The following SORCS2 variants were observed in gnomAD, a reference collection of about 807,000 sequenced individuals.
SORCS2 encodes VPS10 domain-containing receptor SorCS2.
SORCS2 carries 100 observed loss-of-function variants against 141.6 expected under a neutral mutation model. That is an observed-to-expected ratio of 0.71 (90% CI 0.60 to 0.83). SORCS2 has a LOEUF of 0.83. Ranked by LOEUF, SORCS2 falls within the 40% of genes least tolerant of loss-of-function variation. The pLI, the probability that SORCS2 is intolerant of heterozygous loss-of-function variation, is 0.00. For missense variants in SORCS2, 1,646 were observed against 1,560.2 expected, an observed-to-expected ratio of 1.05 and a Z score of -0.93; for synonymous variants, 789 against 676.9, an observed-to-expected ratio of 1.17 and a Z score of -2.57.
intron 2 of SORCS2, among the ~76,000 whole-genome samples, chr4:7,526,734 G>T (rs1263358101): frequency 6.6e-6 from 1 of 152,200 alleles, no homozygotes; most frequent in Non-Finnish European, 1.5e-5. Context: ...TCAGCTGGGG[G>T]CGCTGACGGT....
chr4:7,203,629 T>C (rs985747861), intron 1 of SORCS2, among the ~76,000 whole-genome samples: 6 of 152,266 alleles, frequency 3.9e-5, no homozygotes, highest in Non-Finnish European at 8.8e-5. Flanking sequence ...AAATTCTTTT[T>C]TCTTTATTAC....
At chr4:7,486,099 C>T (rs958017929) in intron 2 of SORCS2, among the ~76,000 whole-genome samples, 1 of 152,164 alleles carries the variant, frequency 6.6e-6, no homozygotes, top group African/African-American at 2.4e-5. Context: ...CTGAAGCGTC[C>T]CTTTGTCTCT....
At chr4:7,694,561 C>T (rs1289166492) in intron 11 of SORCS2, among the ~76,000 whole-genome samples, 2 of 152,214 alleles carry the variant, frequency 1.3e-5, no homozygotes, top group Non-Finnish European at 2.9e-5. Flanking sequence ...TGTGCTGACG[C>T]GGCAACACTC....
At chr4:7,267,648 T>C (rs541714241) in intron 1 of SORCS2, among the ~76,000 whole-genome samples, 26 of 152,232 alleles carry the variant, frequency 1.7e-4, no homozygotes, top group African/African-American at 5.8e-4. Flanking sequence ...CTGGCTAACA[T>C]GGTAAAACCC....
intron 14 of SORCS2, among the ~76,000 whole-genome samples, chr4:7,711,364 G>C (rs1158649934): frequency 6.6e-6 from 1 of 152,204 alleles, no homozygotes; most frequent in Non-Finnish European, 1.5e-5. Context: ...CCCTAGAATG[G>C]GGTTGTCCTT....
Position 7,427,217 on chromosome 4 carries a change from GA to G in SORCS2, c.548+30864del, listed in dbSNP as rs562193382. ...GGGTGACCTAGGGGGCCTCTCGGTAGAAGAGCAAAGTCTTGTGTGGCTGGAC... is the reference window on the plus strand; with the variant it reads ...GGGTGACCTAGGGGGCCTCTCGGTAGAGAGCAAAGTCTTGTGTGGCTGGAC... On this transcript the variant is annotated intron_variant, in intron 2 of 26. Transcript: ENST00000507866. Among the ~76,000 whole-genome samples, 321 of 152,276 alleles carry G rather than the reference GA, an allele frequency of 2.1e-3. 1 individual carries two copies. The highest frequency in any genetic ancestry group is 7.5e-3 in the African/African-American group (310 of 41,556).
At chr4:7,360,391 C>G (rs1407018082) in intron 1 of SORCS2, among the ~76,000 whole-genome samples, 2 of 151,876 alleles carry the variant, frequency 1.3e-5, no homozygotes, top group East Asian at 1.9e-4. Context: ...CTGGGAGGTC[C>G]TTTGCCACAC....
intron 3 of SORCS2, among the ~76,000 whole-genome samples, chr4:7,593,444 G>A (rs567287200): frequency 1.1e-4 from 17 of 152,328 alleles, no homozygotes; most frequent in Middle Eastern, 3.4e-3. Flanking sequence ...GGGCAGGACC[G>A]CCTCCTGGCA....
rs796596203 is a variant in SORCS2, at chr4:7,653,987, C to T, written c.814-147C>T. The stretch of plus-strand genomic sequence containing the variant: ...AGGCGGTGGGGTTTGGTCTGCATCC[C>T]AGCATGAGCACAGCGCCTCCGCGTG... On this transcript the variant is annotated intron_variant, in intron 4 of 26. Transcript: ENST00000507866. 3.2e-5 allele frequency: 24 copies of T among 749,722 alleles called. No homozygotes were observed. In the African/African-American group the frequency reaches 3.7e-4, roughly 11 times the overall value. 46.4% of individuals were successfully genotyped at this position (749,722 alleles called of 1,614,324 possible).
chr4:7,361,456 G>A lies in SORCS2; in HGVS notation c.481-34832G>A, dbSNP rs144325852. ...TCCTCCTTGGGAGCACGACTTGGCA[G>A]CCCTGGCCTCAGTGCAGCCGGGAGA... On this transcript the variant is annotated intron_variant, in intron 1 of 26. Coordinates refer to ENST00000507866, the MANE Select transcript of SORCS2 (RefSeq NM_020777.3). Among the ~76,000 whole-genome samples the A allele has an allele frequency of 3.0e-4, 46 of 152,308 alleles. No homozygotes were observed. In the East Asian group the frequency reaches 8.1e-3, roughly 27 times the overall value.
chr4:7,621,340 ATGTG>A (rs1387684468), intron 3 of SORCS2, among the ~76,000 whole-genome samples: 1 of 151,196 alleles, frequency 6.6e-6, no homozygotes, highest in Non-Finnish European at 1.5e-5. Context: ...GTGAGTGTTT[ATGTG>A]TGTGTCTATG....
chr4:7,548,151 C>G (rs558717606), intron 3 of SORCS2, among the ~76,000 whole-genome samples: 3 of 152,164 alleles, frequency 2.0e-5, no homozygotes, highest in African/African-American at 7.2e-5. Context: ...AGAGGAAGGC[C>G]TTTGAGGGCT....
intron 1 of SORCS2, among the ~76,000 whole-genome samples, chr4:7,336,456 G>A (rs2108978478): frequency 6.7e-6 from 1 of 150,228 alleles, no homozygotes; most frequent in African/African-American, 2.5e-5. Flanking sequence ...CCAAGGATGG[G>A]GTTTCTAGGG....
At chr4:7,386,177 G>A (rs1319269215) in intron 1 of SORCS2, among the ~76,000 whole-genome samples, 17 of 133,720 alleles carry the variant, frequency 1.3e-4, no homozygotes, top group Admixed American at 5.1e-4. Context: ...ACATGCGCAC[G>A]CACACACATG....
intron 1 of SORCS2, among the ~76,000 whole-genome samples, chr4:7,245,111 T>C (rs1219387207): frequency 6.6e-6 from 1 of 151,932 alleles, no homozygotes; most frequent in African/African-American, 2.4e-5. Flanking sequence ...ACAGTGAGAG[T>C]GGGCGGGAGG....
At chr4:7,647,206 G>A (rs982932561) in intron 4 of SORCS2, among the ~76,000 whole-genome samples, 1 of 152,168 alleles carries the variant, frequency 6.6e-6, no homozygotes, top group African/African-American at 2.4e-5. Context: ...CCGTGGGAGT[G>A]GGGTTAGCCA....
chr4:7,434,409 G>A (rs1425949055), intron 2 of SORCS2: 4 of 1,608,204 alleles, frequency 2.5e-6, no homozygotes, highest in Non-Finnish European at 3.4e-6. Context: ...CCTCAAAGGT[G>A]TCCTCTTTGG....
intron 10 of SORCS2, 89 bp downstream of exon 10, chr4:7,682,978 C>T: frequency 6.8e-7 from 1 of 1,467,540 alleles, no homozygotes; most frequent in Non-Finnish European, 9.2e-7. Context: ...GTGGTGATGT[C>T]TGAGAAGGAC....
At chr4:7,515,946 G>A (rs1732950795) in intron 2 of SORCS2, among the ~76,000 whole-genome samples, 1 of 152,164 alleles carries the variant, frequency 6.6e-6, no homozygotes, top group East Asian at 1.9e-4. Context: ...CTCATGGGAG[G>A]GGTCCAATGG....
Sources: allele counts gnomAD v4.1 joint callset (sites outside exome capture counted in the v4.1 genomes callset), GRCh38; gene constraint gnomAD v4.1.1; transcripts MANE v1.5; gene names NCBI Gene and HGNC (gene_info 2026-07-23, HGNC 2026-07-21).